The following NOXA1 variants were observed in gnomAD, a reference collection of about 807,000 sequenced individuals.
The protein encoded by NOXA1 is NCF2-like protein.
In NOXA1, 56 loss-of-function variants were observed where a neutral mutation model predicts 64.8. The ratio of observed to expected loss-of-function variants is 0.86; its 90% CI spans 0.70 to 1.08. NOXA1 has a LOEUF of 1.08. Among genes scored for constraint, NOXA1 ranks in the 50% least tolerant of loss-of-function variants. The pLI, the probability that NOXA1 is intolerant of heterozygous loss-of-function variation, is 0.00. For missense variants in NOXA1, 668 were observed against 658.5 expected, an observed-to-expected ratio of 1.01 and a Z score of -0.16; for synonymous variants, 295 against 294.8, an observed-to-expected ratio of 1.00 and a Z score of -0.01.
At chr9:137,433,933 G>C (rs373178115) in intron 12 of NOXA1, 32 bp from the exon 13 acceptor site, 17 of 1,525,258 alleles carry the variant, frequency 1.1e-5, no homozygotes, top group Non-Finnish European at 1.4e-5. Flanking sequence ...CCCAGTGCCC[G>C]GCCCGACCTG....
rs759929356 is a variant in NOXA1 at position 137,431,126 on chromosome 9, G to A, written c.698+26G>A. Reference sequence around the variant, plus strand: ...GTAGGAGGGGCTGACTGGGCCCTGCGAGCGCGTGCCTTTCCTGCTGGGCAG... The same window carrying A: ...GTAGGAGGGGCTGACTGGGCCCTGCAAGCGCGTGCCTTTCCTGCTGGGCAG... On this transcript the variant is annotated intron_variant, in intron 7 of 13. Transcript: ENST00000683555. This position sits in a 1 kb window ranked among gnomAD's most constrained non-coding sequence, Gnocchi z 5.6. 4.0e-5 allele frequency: 65 copies of A among 1,612,862 alleles called. No homozygotes were observed. In the Middle Eastern group the frequency reaches 4.9e-4, roughly 12 times the overall value.
Position 137,432,279 on chromosome 9 carries a change from C to CAAA in NOXA1, c.805-733_805-731dup, listed in dbSNP as rs35916187. ...TGGGCAAGACAGCAAGACCCTGTCT[C>CAAA]AAAAAAAAAAAAAAAAAAAGCCAGG... On this transcript the variant is annotated intron_variant, in intron 8 of 13. Coordinates refer to ENST00000683555, the MANE Select transcript of NOXA1 (RefSeq NM_001256067.2). 6.1e-3 allele frequency among the ~76,000 whole-genome samples: 619 copies of CAAA among 102,206 alleles called. 13 individuals carry two copies. Among genetic ancestry groups the CAAA allele is most frequent in the African/African-American group, 0.021 (571 of 26,822 alleles). The allele number at this position is 102,206 out of a possible 152,430, so 67.1% of individuals were successfully genotyped here.
intron 8 of NOXA1, among the ~76,000 whole-genome samples, chr9:137,432,106 C>T (rs757756817): frequency 2.4e-4 from 36 of 152,158 alleles, no homozygotes; most frequent in Non-Finnish European, 5.3e-4. Context: ...CAACTTCAAC[C>T]ATCTGATAAA....
In NOXA1 at chr9:137,434,221, C is replaced by T; in HGVS notation, c.1295-3C>T. The T allele has an allele frequency of 6.2e-7, 1 of 1,608,088 alleles. No individual in the cohort carries two copies. ...CCTGCAGAGCCCGATGTCCCCCTTGCAGTGGACCAGGCATGGCTGGAGGGC... is the reference window on the plus strand; with the variant it reads ...CCTGCAGAGCCCGATGTCCCCCTTGTAGTGGACCAGGCATGGCTGGAGGGC... On this transcript the variant is annotated splice_region_variant and splice_polypyrimidine_tract_variant and intron_variant, in intron 13 of 13. Transcript: ENST00000683555.
At chr9:137,428,695 G>T (rs965501603) in intron 3 of NOXA1, among the ~76,000 whole-genome samples, 187 bp from the exon 4 acceptor site, 3 of 143,110 alleles carry the variant, frequency 2.1e-5, no homozygotes, top group African/African-American at 7.8e-5. Context: ...AGCTGGGTGG[G>T]GAGACGGGGG....
At chr9:137,424,090 T>TCCAGGGTG (rs950064316) in intron 1 of NOXA1, among the ~76,000 whole-genome samples, 3 of 151,710 alleles carry the variant, frequency 2.0e-5, no homozygotes, top group African/African-American at 7.3e-5. Flanking sequence ...CAGCCAGGAG[T>TCCAGGGTG]CCAGGGTGCC....
chr9:137,424,579 A>G (rs933858358), intron 1 of NOXA1, among the ~76,000 whole-genome samples: 1 of 152,088 alleles, frequency 6.6e-6, no homozygotes, highest in Non-Finnish European at 1.5e-5. Context: ...TGCTGGGAGT[A>G]CAGGCGCCCA....
intron 2 of NOXA1, among the ~76,000 whole-genome samples, chr9:137,427,597 CG>C (rs1171392344): frequency 3.3e-5 from 5 of 152,218 alleles, no homozygotes; most frequent in Admixed American, 2.0e-4. Context: ...CACATCGGCG[CG>C]GGAAGCCCGC....
intron 2 of NOXA1, among the ~76,000 whole-genome samples, chr9:137,427,637 T>C (rs1838894916): frequency 1.3e-5 from 2 of 152,246 alleles, no homozygotes; most frequent in South Asian, 2.1e-4. Flanking sequence ...CGGCAGGCGC[T>C]GGGGAGCTCC....
chr9:137,424,340 A>C (rs1363236754), intron 1 of NOXA1, among the ~76,000 whole-genome samples: 1 of 152,218 alleles, frequency 6.6e-6, no homozygotes. Flanking sequence ...CTGGCAAAAT[A>C]TCCCCCTTGG....
chr9:137,424,363 A>G (rs1838742235), intron 1 of NOXA1, among the ~76,000 whole-genome samples: 1 of 152,246 alleles, frequency 6.6e-6, no homozygotes. Context: ...GAGACTGGGC[A>G]AAGCGCATGA....
At position 137,431,037 on chromosome 9, in the gene NOXA1, C is replaced by A; in HGVS notation, c.673-38C>A. 1 of 1,613,120 alleles carries A rather than the reference C, an allele frequency of 6.2e-7. No individual in the cohort carries two copies. The highest frequency in any genetic ancestry group is 8.5e-7 in the Non-Finnish European group (1 of 1,179,946). On this transcript the variant is annotated intron_variant, in intron 6 of 13. Transcript: ENST00000683555. The surrounding 1 kb of genome is among the most constrained non-coding windows in gnomAD (Gnocchi z 5.6). ...CAGGAGGAGGGAGGGCGGCCCCCGA[C>A]CCTTAACCAGAGCGAGGTTGTTGCT...
chr9:137,424,904 C>T (rs575820809), intron 1 of NOXA1, among the ~76,000 whole-genome samples: 105 of 152,336 alleles, frequency 6.9e-4, no homozygotes, highest in African/African-American at 2.4e-3. Context: ...GACTAACCCA[C>T]AGCATATGCA....
intron 11 of NOXA1, 46 bp downstream of exon 11, chr9:137,433,653 C>T: frequency 1.3e-6 from 2 of 1,522,308 alleles, no homozygotes; most frequent in Non-Finnish European, 1.8e-6. Context: ...TGGGCACCGC[C>T]CCGACTGAGG....
Position 137,431,056 on chromosome 9 carries a change from T to G in NOXA1, c.673-19T>G. The G allele has an allele frequency of 6.2e-7, 1 of 1,613,244 alleles. No homozygotes were observed. On this transcript the variant is annotated intron_variant, in intron 6 of 13. Transcript: ENST00000683555. This position sits in a 1 kb window ranked among gnomAD's most constrained non-coding sequence, Gnocchi z 5.6. ...CCCCGACCCTTAACCAGAGCGAGGTTGTTGCTTTGTGTCCACAGGGACCAG... is the reference window on the plus strand; with the variant it reads ...CCCCGACCCTTAACCAGAGCGAGGTGGTTGCTTTGTGTCCACAGGGACCAG...
chr9:137,429,258 G>A lies in NOXA1; in HGVS notation c.505-18G>A. 6.6e-7 allele frequency: 1 copy of A among 1,520,906 alleles called. No individual in the cohort carries two copies. The highest frequency in any genetic ancestry group is 8.9e-7 in the Non-Finnish European group (1 of 1,127,336). The allele number at this position is 1,520,906 out of a possible 1,614,324, so 94.2% of individuals were successfully genotyped here. On this transcript the variant is annotated intron_variant, in intron 4 of 13. Transcript: ENST00000683555. ...TTGGTCACCCCGTCTGCATCTGCTG[G>A]ATACCCACCCCCTCCAGAGACGGGG...
In NOXA1 at chr9:137,431,290, A is replaced by G; in HGVS notation, c.753A>G (p.Ala251=). 1.2e-6 allele frequency: 2 copies of G among 1,611,606 alleles called. No individual in the cohort carries two copies. Among genetic ancestry groups the G allele is most frequent in the South Asian group, 1.1e-5 (1 of 90,644 alleles). Residue 251 remains alanine, a synonymous_variant, in exon 8 of 14, where the codon GCA becomes GCG. Coordinates refer to ENST00000683555, the MANE Select transcript of NOXA1 (RefSeq NM_001256067.2). This position sits in a 1 kb window ranked among gnomAD's most constrained non-coding sequence, Gnocchi z 5.6. ...GCACCCACCAGGGCCCCCTCGATGCAGAGACAGAGGTCGGTGCTGACCGCT... is the reference window on the plus strand; with the variant it reads ...GCACCCACCAGGGCCCCCTCGATGCGGAGACAGAGGTCGGTGCTGACCGCT... The part of the protein sequence containing the change: ...RAGTHQGPLD[A]ETEVGADRCT...
At chr9:137,430,410 G>C (rs1461938298) in intron 5 of NOXA1, among the ~76,000 whole-genome samples, 1 of 152,204 alleles carries the variant, frequency 6.6e-6, no homozygotes, top group African/African-American at 2.4e-5. Context: ...CGCCCCCTCG[G>C]TCACCTGCGC....
chr9:137,430,889 T>C, intron 6 of NOXA1, 46 bp downstream of exon 6: 1 of 1,550,502 alleles, frequency 6.4e-7, no homozygotes. Flanking sequence ...CACCCAGCTT[T>C]CTGGGAAAGA....
Sources: gnomAD v4.1 joint callset for allele counts (sites outside exome capture counted in the v4.1 genomes callset) on GRCh38, gnomAD v4.1.1 for gene constraint, Gnocchi (gnomAD v3.1) non-coding constraint, MANE v1.5 for transcripts, NCBI Gene and HGNC (gene_info 2026-07-23, HGNC 2026-07-21) for gene names.